Variants in ABCB4 observed in about 807,000 individuals in gnomAD.
The protein encoded by ABCB4 is ATP binding cassette subfamily B member 4.
Under a neutral mutation model 145.7 loss-of-function variants are expected in ABCB4, and 76 were observed. The ratio of observed to expected loss-of-function variants is 0.52; its 90% CI spans 0.43 to 0.63. The LOEUF (loss-of-function observed/expected upper bound fraction) is 0.63, where lower values mean the gene tolerates loss of function less well. Ranked by LOEUF, ABCB4 falls within the 30% of genes least tolerant of loss-of-function variation. The pLI is 0.00. For missense variants in ABCB4, 1,234 were observed against 1,553.1 expected, an observed-to-expected ratio of 0.79 and a Z score of 3.45; for synonymous variants, 517 against 566.8, an observed-to-expected ratio of 0.91 and a Z score of 1.25.
In ABCB4 at chr7:87,418,458, T is replaced by C. The variant is rs1254662719; in HGVS notation, c.2478+79A>G. On this transcript the variant is annotated intron_variant, in intron 20 of 27. Coordinates refer to ENST00000649586, the MANE Select transcript of ABCB4 (RefSeq NM_000443.4). ...TCTGCTATTTCTAGCTGGAAGCATC[T>C]TAACAAGTGTGGGTATGCTACATGC... is the stretch of plus-strand genomic sequence containing the variant. 14 of 1,303,988 alleles carry C rather than the reference T, an allele frequency of 1.1e-5. No individual in the cohort carries two copies. The African/African-American group carries it at 1.9e-4, about 18-fold the overall frequency. 80.8% of individuals were successfully genotyped at this position (1,303,988 alleles called of 1,614,324 possible).
intron 15 of ABCB4, among the ~76,000 whole-genome samples, chr7:87,428,330 A>G (rs1447397812): frequency 6.6e-6 from 1 of 152,214 alleles, no homozygotes; most frequent in Non-Finnish European, 1.5e-5. Context: ...CTTTTCCACC[A>G]GGTGTTAAAA....
At chr7:87,382,228 A>C in the ABCB4 span, 9 of 1,516,354 alleles carry the variant, frequency 5.9e-6, no homozygotes, top group Non-Finnish European at 8.2e-6. Context: ...TTTTCTTTTA[A>C]CAACCATATG....
At chr7:87,406,610 C>T (rs551275107) in intron 25 of ABCB4, 116 bp from the exon 26 acceptor site, 3 of 1,095,100 alleles carry the variant, frequency 2.7e-6, no homozygotes, top group African/African-American at 3.1e-5. Context: ...AGCTTCAAAA[C>T]AACAACCCTC....
the ABCB4 span, among the ~76,000 whole-genome samples, chr7:87,380,715 GAAT>G: frequency 3.9e-5 from 6 of 152,200 alleles, no homozygotes. Context: ...TGGGTGCTTA[GAAT>G]TATAGCTCAA....
At chr7:87,369,628 G>C in the ABCB4 span, 59 of 356,970 alleles carry the variant, frequency 1.7e-4, no homozygotes, top group African/African-American at 1.2e-3. Context: ...AAATCTATTT[G>C]TATTTTTTAT....
chr7:87,369,491 A>C, the ABCB4 span: 1 of 1,594,074 alleles, frequency 6.3e-7, no homozygotes, highest in Non-Finnish European at 8.6e-7. Flanking sequence ...TCAGGTTTTC[A>C]GACTACTTTC....
At chr7:87,453,634 G>A (rs980166757) in intron 5 of ABCB4, among the ~76,000 whole-genome samples, 1 of 152,080 alleles carries the variant, frequency 6.6e-6, no homozygotes, top group Non-Finnish European at 1.5e-5. Flanking sequence ...GCTCCATGAT[G>A]GCAAATCTAT....
At chr7:87,392,707 T>C in the ABCB4 span, 1 of 1,610,710 alleles carries the variant, frequency 6.2e-7, no homozygotes, top group Non-Finnish European at 8.5e-7. Context: ...TTTTCTAACC[T>C]GAGATTTGGG....
At chr7:87,392,574 G>C in the ABCB4 span, 4 of 1,613,158 alleles carry the variant, frequency 2.5e-6, no homozygotes, top group East Asian at 8.9e-5. Context: ...AGCTTCGTGA[G>C]CGGCAGCAAA....
chr7:87,436,186 C>A (rs145980217), intron 14 of ABCB4, among the ~76,000 whole-genome samples: 62 of 152,154 alleles, frequency 4.1e-4, no homozygotes, highest in African/African-American at 1.5e-3. Flanking sequence ...ATAAAGCAGA[C>A]CCCAGTACTC....
intron 21 of ABCB4, among the ~76,000 whole-genome samples, chr7:87,414,394 G>C (rs1389897065): frequency 1.3e-5 from 2 of 152,208 alleles, no homozygotes; most frequent in Non-Finnish European, 2.9e-5. Context: ...GAATGGAATA[G>C]ATGTATAGGA....
chr7:87,455,120 C>A (rs1812027266), intron 4 of ABCB4, among the ~76,000 whole-genome samples: 1 of 151,948 alleles, frequency 6.6e-6, no homozygotes, highest in Non-Finnish European at 1.5e-5. Flanking sequence ...TTACATCCAT[C>A]GCAAAGGAGG....
intron 18 of ABCB4, among the ~76,000 whole-genome samples, 181 bp downstream of exon 18, chr7:87,421,940 A>C (rs1283012528): frequency 6.6e-6 from 1 of 152,192 alleles, no homozygotes; most frequent in African/African-American, 2.4e-5. Flanking sequence ...AATGTAATAT[A>C]AGTTAGGACA....
chr7:87,424,129 G>A, intron 16 of ABCB4, 77 bp from the exon 17 acceptor site: 16 of 1,595,792 alleles, frequency 1.0e-5, no homozygotes, highest in Non-Finnish European at 1.4e-5. Flanking sequence ...AAAAGGCATG[G>A]CCATTGCCCT....
At chr7:87,442,006 G>C (rs1454310177) in intron 12 of ABCB4, among the ~76,000 whole-genome samples, 1 of 152,166 alleles carries the variant, frequency 6.6e-6, no homozygotes, top group Non-Finnish European at 1.5e-5. Flanking sequence ...TATTATTTCA[G>C]TGGTAAGAAA....
intron 3 of ABCB4, among the ~76,000 whole-genome samples, chr7:87,467,538 A>G (rs1465299826): frequency 1.3e-5 from 2 of 152,232 alleles, no homozygotes; most frequent in African/African-American, 2.4e-5. Context: ...CTCTGCACCA[A>G]GTGGACCTAA....
the ABCB4 span, among the ~76,000 whole-genome samples, chr7:87,391,303 G>GT: frequency 2.0e-5 from 3 of 152,228 alleles, no homozygotes; most frequent in Admixed American, 2.0e-4. Flanking sequence ...AAAGTGAGGG[G>GT]TTACAGCAGA....
the ABCB4 span, among the ~76,000 whole-genome samples, chr7:87,393,770 T>G: frequency 5.9e-5 from 9 of 152,262 alleles, no homozygotes; most frequent in African/African-American, 2.2e-4. Flanking sequence ...TGTGAAAAAT[T>G]GGAATAGTAA....
chr7:87,464,014 CT>C (rs1478046988), intron 3 of ABCB4, among the ~76,000 whole-genome samples: 1 of 152,046 alleles, frequency 6.6e-6, no homozygotes, highest in Non-Finnish European at 1.5e-5. Context: ...AGCTTCCTAT[CT>C]TTTTTTTCTC....
Sources: allele counts gnomAD v4.1 joint callset (sites outside exome capture counted in the v4.1 genomes callset), GRCh38; gene constraint gnomAD v4.1.1; transcripts MANE v1.5; gene names NCBI Gene and HGNC (gene_info 2026-07-23, HGNC 2026-07-21).